The following PTPN3 variants were observed in gnomAD, a reference collection of about 807,000 sequenced individuals.
PTPN3 encodes the protein protein tyrosine phosphatase non-receptor type 3.
A neutral mutation model predicts 132.7 loss-of-function variants in PTPN3; 96 were observed. The observed-to-expected ratio is 0.72, with a 90% CI of 0.61 to 0.86. The LOEUF (loss-of-function observed/expected upper bound fraction) is 0.86, where lower values mean the gene tolerates loss of function less well. Among genes scored for constraint, PTPN3 ranks in the 40% least tolerant of loss-of-function variants. The pLI, the probability that PTPN3 is intolerant of heterozygous loss-of-function variation, is 0.00. For missense variants in PTPN3, 1,125 were observed against 1,159.6 expected, an observed-to-expected ratio of 0.97 and a Z score of 0.43; for synonymous variants, 398 against 429.0, an observed-to-expected ratio of 0.93 and a Z score of 0.89.
chr9:109,420,752 C>T (rs1748285415), intron 13 of PTPN3, 152 bp from the exon 14 acceptor site: 14 of 765,854 alleles, frequency 1.8e-5, no homozygotes, highest in Non-Finnish European at 2.8e-5. Context: ...ATTACTACCC[C>T]AGCAGAAGGC....
chr9:109,409,782 A>G (rs1841928288), intron 16 of PTPN3, among the ~76,000 whole-genome samples: 1 of 152,116 alleles, frequency 6.6e-6, no homozygotes, highest in Non-Finnish European at 1.5e-5. Context: ...ACTGCACTCT[A>G]GGTTTGGGCG....
At chr9:109,484,688 C>A (rs117826596) in intron 1 of PTPN3, among the ~76,000 whole-genome samples, 3,886 of 152,296 alleles carry the variant, frequency 0.026, 75 homozygotes, top group Non-Finnish European at 0.041. Flanking sequence ...TCAAAGTCAG[C>A]AGCACCCTTG....
At chr9:109,426,434 C>T (rs1334328216) in intron 12 of PTPN3, among the ~76,000 whole-genome samples, 1 of 152,084 alleles carries the variant, frequency 6.6e-6, no homozygotes, top group Non-Finnish European at 1.5e-5. Flanking sequence ...TAATTATGTG[C>T]CCAGCACAAA....
At chr9:109,391,749 AT>A (rs10707863) in intron 19 of PTPN3, among the ~76,000 whole-genome samples, 188 bp from the exon 20 acceptor site, 129,436 of 149,914 alleles carry the variant, frequency 0.86, 56,168 homozygotes, top group African/African-American at 0.96. Context: ...CTCTTTAATA[AT>A]TTTTTTTTTT....
At chr9:109,412,787 G>T (rs1003866417) in intron 14 of PTPN3, among the ~76,000 whole-genome samples, 1 of 151,980 alleles carries the variant, frequency 6.6e-6, no homozygotes, top group Non-Finnish European at 1.5e-5. Flanking sequence ...GATTACAGGT[G>T]TGAGCCACCA....
intron 14 of PTPN3, 125 bp from the exon 15 acceptor site, chr9:109,410,540 T>C: frequency 1.8e-6 from 2 of 1,081,838 alleles, no homozygotes; most frequent in Non-Finnish European, 2.7e-6. Context: ...GCTGCATAGG[T>C]TGTCAGCGGG....
rs1161114494 is a variant in PTPN3, at chr9:109,391,190, G to C, written c.2054C>G (p.Thr685Ser). 2 of 1,613,086 alleles carry C rather than the reference G, an allele frequency of 1.2e-6. No individual in the cohort carries two copies. Among genetic ancestry groups the C allele is most frequent in the Non-Finnish European group, 1.7e-6 (2 of 1,179,512 alleles). Reference sequence around the variant, plus strand: ...TTCATTTCCCTGCAATAATACCCGGGTGGTGTCATCTGCGGGGAAGAGAAA... The same window carrying C: ...TTCATTTCCCTGCAATAATACCCGGCTGGTGTCATCTGCGGGGAAGAGAAA... ...RYKDVLPYDTTRVLLQGNEDY... is the reference protein window; with the variant it reads ...RYKDVLPYDTSRVLLQGNEDY... Residue 685 changes from threonine (T) to serine (S), a missense_variant, in exon 21 of 26, where the codon ACC becomes AGC. Physicochemically the swap from Thr to Ser is moderately conservative, Grantham distance 58 (BLOSUM62 1). Coordinates refer to ENST00000374541, the MANE Select transcript of PTPN3 (RefSeq NM_002829.4).
chr9:109,464,434 C>T (rs575186970), intron 1 of PTPN3, among the ~76,000 whole-genome samples: 1 of 152,226 alleles, frequency 6.6e-6, no homozygotes, highest in African/African-American at 2.4e-5. Flanking sequence ...GTGAGGATTG[C>T]AAAACTACCT....
chr9:109,508,862 CA>C, the PTPN3 span, among the ~76,000 whole-genome samples: 1 of 148,006 alleles, frequency 6.8e-6, no homozygotes, highest in Admixed American at 6.8e-5. Flanking sequence ...GTCCCCCCCC[CA>C]CCCACCAACC....
In PTPN3 at chr9:109,476,875, C is replaced by T. The variant is rs548157496; in HGVS notation, c.-17-13424G>A. On this transcript the variant is annotated intron_variant, in intron 1 of 25. Coordinates refer to ENST00000374541, the MANE Select transcript of PTPN3 (RefSeq NM_002829.4). ...TTCCCACCTGCCTTCTTTCTCAGTC[C>T]CTGGGCCATTCCCTTTCCTGTTTCT... Among the ~76,000 whole-genome samples, 3 of 152,298 alleles carry T rather than the reference C, an allele frequency of 2.0e-5. No individual in the cohort carries two copies. In the South Asian group the frequency reaches 6.2e-4, roughly 32 times the overall value.
the PTPN3 span, chr9:109,534,251 G>T: frequency 2.0e-6 from 3 of 1,506,732 alleles, no homozygotes; most frequent in Non-Finnish European, 1.8e-6. Context: ...GTAGTGCCGG[G>T]CGTGGTGTCA....
chr9:109,382,805 C>T (rs1018416116), intron 23 of PTPN3, among the ~76,000 whole-genome samples: 5 of 150,456 alleles, frequency 3.3e-5, no homozygotes, highest in African/African-American at 1.2e-4. Context: ...AGGCTTACCA[C>T]TGTAACCACA....
chr9:109,454,408 T>C lies in PTPN3; in HGVS notation c.368+88A>G, dbSNP rs1182153584. ...TGTAGTTACACCCAAATGAAGTTAT[T>C]TGGCCATAGTAATAAAATGAAGAGT... On this transcript the variant is annotated intron_variant, in intron 5 of 25. Coordinates refer to ENST00000374541, the MANE Select transcript of PTPN3 (RefSeq NM_002829.4). The C allele has an allele frequency of 4.5e-6, 5 of 1,108,734 alleles. No homozygotes were observed. In the African/African-American group the frequency reaches 4.7e-5, roughly 10 times the overall value. 68.7% of individuals were successfully genotyped at this position (1,108,734 alleles called of 1,614,324 possible). A position where few individuals can be genotyped will look rare whatever the true frequency, so the allele number is the denominator to read the frequency against.
At chr9:109,485,202 T>C (rs1368583544) in intron 1 of PTPN3, among the ~76,000 whole-genome samples, 2 of 150,336 alleles carry the variant, frequency 1.3e-5, no homozygotes, top group African/African-American at 2.5e-5. Flanking sequence ...AGTGAGACTC[T>C]GTCTTAAAAA....
intron 22 of PTPN3, among the ~76,000 whole-genome samples, chr9:109,386,982 C>A (rs183214891): frequency 1.2e-4 from 19 of 152,260 alleles, no homozygotes; most frequent in African/African-American, 4.6e-4. Context: ...GGGAGACTGG[C>A]AGCGGCAGAC....
chr9:109,449,501 G>T, intron 5 of PTPN3: 1 of 985,500 alleles, frequency 1.0e-6, no homozygotes, highest in Non-Finnish European at 1.2e-6. Flanking sequence ...CCAAACTCCA[G>T]ACCTGTTTTG....
intron 19 of PTPN3, among the ~76,000 whole-genome samples, chr9:109,394,421 T>A: frequency 6.6e-6 from 1 of 151,934 alleles, no homozygotes; most frequent in East Asian, 1.9e-4. Context: ...CTAAGATAAA[T>A]CATATATTAA....
chr9:109,419,849 C>T (rs1391172918), intron 14 of PTPN3, among the ~76,000 whole-genome samples: 1 of 152,116 alleles, frequency 6.6e-6, no homozygotes, highest in Non-Finnish European at 1.5e-5. Flanking sequence ...TGAGGGAACT[C>T]TGTCACGTTA....
At chr9:109,409,368 T>C (rs1030841104) in intron 16 of PTPN3, among the ~76,000 whole-genome samples, 9 of 151,766 alleles carry the variant, frequency 5.9e-5, no homozygotes, top group African/African-American at 2.2e-4. Flanking sequence ...TGTGCCCTCA[T>C]TTCTGGGAAC....
Sources: gnomAD v4.1 joint callset for allele counts (sites outside exome capture counted in the v4.1 genomes callset) on GRCh38, gnomAD v4.1.1 for gene constraint, MANE v1.5 for transcripts, NCBI Gene and HGNC (gene_info 2026-07-23, HGNC 2026-07-21) for gene names.